Variants in TAFA2 observed in about 807,000 individuals in gnomAD.
The protein encoded by TAFA2 is chemokine-like protein TAFA-2.
TAFA2 carries 7 observed loss-of-function variants against 18.8 expected under a neutral mutation model. That is an observed-to-expected ratio of 0.37 (90% CI 0.21 to 0.70). The LOEUF (loss-of-function observed/expected upper bound fraction) is 0.70. TAFA2 is among the 30% of genes least tolerant of loss of function. The pLI is 0.53. For missense variants in TAFA2, 122 were observed against 158.1 expected, an observed-to-expected ratio of 0.77 and a Z score of 1.23; for synonymous variants, 60 against 54.2, an observed-to-expected ratio of 1.11 and a Z score of -0.47.
intron 1 of TAFA2, among the ~76,000 whole-genome samples, chr12:62,062,370 T>C (rs1882373112): frequency 6.6e-6 from 1 of 152,166 alleles, no homozygotes; most frequent in Admixed American, 6.5e-5. Context: ...GTAAGACTAA[T>C]AATACTGGAA....
chr12:61,858,736 A>G (rs553265256), intron 2 of TAFA2, among the ~76,000 whole-genome samples: 1 of 152,276 alleles, frequency 6.6e-6, no homozygotes, highest in South Asian at 2.1e-4. Context: ...CATATGACCC[A>G]TGAAATTCTA....
chr12:61,713,439 A>G (rs1869506461), intron 4 of TAFA2, among the ~76,000 whole-genome samples: 1 of 152,146 alleles, frequency 6.6e-6, no homozygotes, highest in Non-Finnish European at 1.5e-5. Flanking sequence ...TCTTTGAACA[A>G]TACTAACAGA....
chr12:62,234,375 T>C, intron 1 of TAFA2: 1 of 637,980 alleles, frequency 1.6e-6, no homozygotes. Context: ...AGAATCCTCT[T>C]CCTTCATTCA....
At chr12:61,851,165 C>T (rs1873626519) in intron 2 of TAFA2, among the ~76,000 whole-genome samples, 1 of 151,982 alleles carries the variant, frequency 6.6e-6, no homozygotes, top group African/African-American at 2.4e-5. Context: ...TACAAATATT[C>T]AATTAGTTAC....
chr12:62,005,125 A>G (rs1880504219), intron 1 of TAFA2, among the ~76,000 whole-genome samples: 1 of 152,086 alleles, frequency 6.6e-6, no homozygotes, highest in Non-Finnish European at 1.5e-5. Context: ...GATAAAGACT[A>G]TAGTCAATAA....
chr12:62,244,492 G>T (rs1162691527), intron 1 of TAFA2, among the ~76,000 whole-genome samples: 1 of 151,962 alleles, frequency 6.6e-6, no homozygotes, highest in African/African-American at 2.4e-5. Flanking sequence ...TTTACTATTT[G>T]ATTTACTTCC....
At chr12:61,913,246 T>C (rs567980584) in intron 1 of TAFA2, among the ~76,000 whole-genome samples, 1 of 152,030 alleles carries the variant, frequency 6.6e-6, no homozygotes, top group African/African-American at 2.4e-5. Flanking sequence ...AAAGAAGGTG[T>C]TAGAAAGAAA....
intron 1 of TAFA2, among the ~76,000 whole-genome samples, chr12:62,201,772 G>A (rs565610111): frequency 1.3e-5 from 2 of 152,294 alleles, no homozygotes; most frequent in East Asian, 3.9e-4. Flanking sequence ...GTTGGGAGGG[G>A]TCTCTCCTTT....
At chr12:61,845,872 T>C (rs974423145) in intron 2 of TAFA2, among the ~76,000 whole-genome samples, 4 of 151,908 alleles carry the variant, frequency 2.6e-5, no homozygotes, top group Admixed American at 6.6e-5. Flanking sequence ...ATGGAAGGAG[T>C]CCAAAATATT....
rs959413612 is a variant in TAFA2 at position 62,052,647 on chromosome 12, G to A, written c.-2+138612C>T. ...AGAAGCAGGTAAGTCCCCAGTATAC[G>A]CAATTGACACCATTGATTCCATTAG... On this transcript the variant is annotated intron_variant, in intron 1 of 4. Coordinates refer to ENST00000416284, the MANE Select transcript of TAFA2 (RefSeq NM_178539.5). 6.6e-5 allele frequency among the ~76,000 whole-genome samples: 10 copies of A among 152,082 alleles called. No homozygotes were observed. The South Asian group carries it at 8.3e-4, about 13-fold the overall frequency.
At chr12:62,011,811 A>G (rs940749952) in intron 1 of TAFA2, among the ~76,000 whole-genome samples, 3 of 152,100 alleles carry the variant, frequency 2.0e-5, no homozygotes, top group Non-Finnish European at 4.4e-5. Flanking sequence ...GGCTTGTATA[A>G]GACAGACCAG....
At chr12:61,828,026 T>A (rs1872587535) in intron 2 of TAFA2, among the ~76,000 whole-genome samples, 1 of 151,980 alleles carries the variant, frequency 6.6e-6, no homozygotes, top group African/African-American at 2.4e-5. Context: ...TGAGAATGTT[T>A]TTGACCTCAG....
At chr12:62,108,990 C>G (rs1215536102) in intron 1 of TAFA2, among the ~76,000 whole-genome samples, 1 of 152,172 alleles carries the variant, frequency 6.6e-6, no homozygotes, top group African/African-American at 2.4e-5. Flanking sequence ...TTAATTAGAT[C>G]CAATTTGTCA....
intron 1 of TAFA2, among the ~76,000 whole-genome samples, chr12:62,135,426 A>G (rs578232425): frequency 2.0e-5 from 3 of 152,230 alleles, no homozygotes; most frequent in Admixed American, 6.6e-5. Flanking sequence ...CAAGATTGCC[A>G]TCAGATTTAT....
intron 2 of TAFA2, among the ~76,000 whole-genome samples, chr12:61,769,182 C>T (rs1213768462): frequency 6.6e-6 from 1 of 151,274 alleles, no homozygotes; most frequent in Non-Finnish European, 1.5e-5. Flanking sequence ...AAAGCAGCTG[C>T]AGTAAGACCC....
At chr12:61,994,398 CTT>C (rs769173559) in intron 1 of TAFA2, among the ~76,000 whole-genome samples, 1 of 152,170 alleles carries the variant, frequency 6.6e-6, no homozygotes, top group Non-Finnish European at 1.5e-5. Context: ...CTTTTCAAGA[CTT>C]CTCTCAAGAC....
chr12:61,730,745 T>C (rs1436896975), intron 4 of TAFA2, among the ~76,000 whole-genome samples: 1 of 152,074 alleles, frequency 6.6e-6, no homozygotes, highest in Non-Finnish European at 1.5e-5. Context: ...CAGGCCAGTC[T>C]CATTCCTGCC....
chr12:61,871,221 A>C (rs1874588646), intron 1 of TAFA2, among the ~76,000 whole-genome samples: 1 of 152,256 alleles, frequency 6.6e-6, no homozygotes, highest in African/African-American at 2.4e-5. Context: ...GTTTGAACAA[A>C]GTGAAACATA....
At chr12:62,235,514 A>C (rs1259054434) in intron 1 of TAFA2, 1 of 532,774 alleles carries the variant, frequency 1.9e-6, no homozygotes, top group Non-Finnish European at 3.5e-6. Context: ...TCGGCTGTAC[A>C]TGAAGACTAG....
Sources: gnomAD v4.1 joint callset for allele counts (sites outside exome capture counted in the v4.1 genomes callset) on GRCh38, gnomAD v4.1.1 for gene constraint, MANE v1.5 for transcripts, NCBI Gene and HGNC (gene_info 2026-07-23, HGNC 2026-07-21) for gene names.